EYA2: variants seen among roughly 807,000 people sequenced by gnomAD.
EYA2 encodes the protein protein phosphatase EYA2.
EYA2 carries 31 observed loss-of-function variants against 69.2 expected under a neutral mutation model. The ratio of observed to expected loss-of-function variants is 0.45; its 90% CI spans 0.34 to 0.60. EYA2 has a LOEUF of 0.60. EYA2 is among the 20% of genes least tolerant of loss of function. The probability of loss-of-function intolerance (pLI) is 0.02; values close to 1 mark genes in which losing one functional copy is unlikely to be tolerated. For synonymous variants in EYA2, 257 were observed against 279.4 expected (o/e 0.92, Z 0.80); for missense variants, 622 against 701.2 (o/e 0.89, Z 1.28).
chr20:47,102,816 C>T (rs2032461139), intron 9 of EYA2, among the ~76,000 whole-genome samples: 1 of 152,186 alleles, frequency 6.6e-6, no homozygotes, highest in African/African-American at 2.4e-5. Flanking sequence ...GCTGGAGCAG[C>T]CAGTGACTGC....
At chr20:46,969,025 C>T (rs1979964326) in intron 1 of EYA2, among the ~76,000 whole-genome samples, 1 of 152,140 alleles carries the variant, frequency 6.6e-6, no homozygotes, top group Non-Finnish European at 1.5e-5. Flanking sequence ...ATGATTTGAC[C>T]TACACGGCTC....
chr20:47,140,297 G>A (rs959139524), intron 9 of EYA2, among the ~76,000 whole-genome samples: 6 of 152,062 alleles, frequency 3.9e-5, no homozygotes, highest in Admixed American at 1.3e-4. Flanking sequence ...CTGCCCCATC[G>A]ACTTCCAGCC....
intron 1 of EYA2, among the ~76,000 whole-genome samples, chr20:46,976,464 C>A (rs1980468262): frequency 6.6e-6 from 1 of 152,086 alleles, no homozygotes; most frequent in Non-Finnish European, 1.5e-5. Context: ...AGGCTCACTG[C>A]AAACTCCGCC....
chr20:46,902,777 C>T (rs754166916), intron 1 of EYA2, among the ~76,000 whole-genome samples: 1 of 152,192 alleles, frequency 6.6e-6, no homozygotes, highest in African/African-American at 2.4e-5. Flanking sequence ...TGGAAATGGT[C>T]GTAGCATCAC....
rs114622259 is a variant in EYA2, at chr20:47,087,569, G to A, written c.662-1670G>A. Among the ~76,000 whole-genome samples the A allele has an allele frequency of 3.0e-3, 461 of 152,346 alleles. 3 individuals carry two copies. Among genetic ancestry groups the A allele is most frequent in the African/African-American group, 0.01 (436 of 41,586 alleles). ...TAAGGATAGTAAAGTACAATCAAAAGCCATGCATTTAAAACATCTGTGCGT... is the reference window on the plus strand; with the variant it reads ...TAAGGATAGTAAAGTACAATCAAAAACCATGCATTTAAAACATCTGTGCGT... On this transcript the variant is annotated intron_variant, in intron 7 of 15. Transcript: ENST00000327619.
At chr20:47,161,747 T>C in intron 10 of EYA2, 2 of 189,512 alleles carry the variant, frequency 1.1e-5, no homozygotes, top group Non-Finnish European at 2.2e-5. Context: ...AAGCTTCCCC[T>C]CTCTTGACCC....
At chr20:47,088,691 G>A (rs908408296) in intron 7 of EYA2, among the ~76,000 whole-genome samples, 1 of 152,220 alleles carries the variant, frequency 6.6e-6, no homozygotes, top group South Asian at 2.1e-4. Context: ...GGGCTCAAGC[G>A]ACCCTCCTAC....
intron 1 of EYA2, among the ~76,000 whole-genome samples, chr20:46,933,699 C>T (rs1985771487): frequency 1.3e-5 from 2 of 152,226 alleles, no homozygotes; most frequent in Admixed American, 6.5e-5. Flanking sequence ...GCTACAGCTC[C>T]TCACAGGACT....
intron 7 of EYA2, among the ~76,000 whole-genome samples, chr20:47,080,051 A>G (rs1293359912): frequency 5.3e-5 from 8 of 152,218 alleles, no homozygotes. Context: ...TCAAGTGCAC[A>G]TGGGACATTT....
At chr20:46,965,523 C>T (rs576525469) in intron 1 of EYA2, among the ~76,000 whole-genome samples, 184 of 152,358 alleles carry the variant, frequency 1.2e-3, no homozygotes, top group African/African-American at 4.1e-3. Context: ...GTCCCAGCCC[C>T]GCAGTGGCCA....
intron 9 of EYA2, among the ~76,000 whole-genome samples, chr20:47,136,929 T>C (rs1225391912): frequency 6.6e-6 from 1 of 151,910 alleles, no homozygotes; most frequent in Non-Finnish European, 1.5e-5. Context: ...TGTAGAACAT[T>C]AGGGCACGCT....
chr20:46,923,958 G>A (rs928868666), intron 1 of EYA2, among the ~76,000 whole-genome samples: 8 of 152,038 alleles, frequency 5.3e-5, no homozygotes, highest in African/African-American at 1.9e-4. Context: ...AGTTGGTGCT[G>A]GATGGTTTGG....
chr20:47,168,128 CA>C (rs1444664657), intron 10 of EYA2, among the ~76,000 whole-genome samples: 2 of 152,148 alleles, frequency 1.3e-5, no homozygotes, highest in Admixed American at 6.6e-5. Flanking sequence ...TCACTGTGGC[CA>C]GGGGGACCTT....
In EYA2 at chr20:47,182,628, T is replaced by TCAAAAAAAAAA. The variant is rs779945744; in HGVS notation, c.1436-663_1436-662insCAAAAAAAAAA. Among the ~76,000 whole-genome samples, 137 of 84,328 alleles carry TCAAAAAAAAAA rather than the reference T, an allele frequency of 1.6e-3. 28 individuals carry two copies. The highest frequency in any genetic ancestry group is 3.2e-3 in the African/African-American group (49 of 15,290). 55.3% of individuals were successfully genotyped at this position (84,328 alleles called of 152,430 possible). A position where few individuals can be genotyped will look rare whatever the true frequency, so the allele number is the denominator to read the frequency against. Reference sequence around the variant, plus strand: ...TGGGCAACAAGAACGAGACTCCGTCTAAAAAAAAAAAAAAAAGGTTAAGAT... The same window carrying TCAAAAAAAAAA: ...TGGGCAACAAGAACGAGACTCCGTCTCAAAAAAAAAAAAAAAAAAAAAAAAAAGGTTAAGAT... On this transcript the variant is annotated intron_variant, in intron 14 of 15. Transcript: ENST00000327619.
intron 5 of EYA2, among the ~76,000 whole-genome samples, chr20:47,059,386 A>G (rs2030776445): frequency 6.6e-6 from 1 of 152,016 alleles, no homozygotes; most frequent in Non-Finnish European, 1.5e-5. Context: ...ATGGAGTCTC[A>G]CTCTGTCTCC....
At chr20:47,107,855 A>G (rs1321649070) in intron 9 of EYA2, among the ~76,000 whole-genome samples, 1 of 152,186 alleles carries the variant, frequency 6.6e-6, no homozygotes. Flanking sequence ...CCAGAGAAAA[A>G]GAGAAGTTGA....
At chr20:47,044,317 C>G (rs983942658) in intron 5 of EYA2, among the ~76,000 whole-genome samples, 1 of 152,206 alleles carries the variant, frequency 6.6e-6, no homozygotes, top group African/African-American at 2.4e-5. Flanking sequence ...CTTACTCATT[C>G]ATTCAGCATA....
At chr20:47,026,477 AAAC>A (rs1984091312) in intron 5 of EYA2, among the ~76,000 whole-genome samples, 1 of 152,202 alleles carries the variant, frequency 6.6e-6, no homozygotes, top group Non-Finnish European at 1.5e-5. Flanking sequence ...CCAGAAGTCA[AAAC>A]AACAAAACAA....
intron 11 of EYA2, among the ~76,000 whole-genome samples, chr20:47,171,862 C>T (rs1046849288): frequency 6.6e-6 from 1 of 151,624 alleles, no homozygotes; most frequent in African/African-American, 2.4e-5. Context: ...GAGCCCAAGG[C>T]GGGTGGATCA....
Sources: allele counts gnomAD v4.1 joint callset (sites outside exome capture counted in the v4.1 genomes callset), GRCh38; gene constraint gnomAD v4.1.1; transcripts MANE v1.5; gene names NCBI Gene and HGNC (gene_info 2026-07-23, HGNC 2026-07-21).